Variants in EEIG1 observed in about 807,000 individuals in gnomAD.
The protein encoded by EEIG1 is early estrogen-induced gene 1 protein.
the EEIG1 span, among the ~76,000 whole-genome samples, chr9:127,974,833 A>C: frequency 6.6e-6 from 1 of 152,218 alleles, no homozygotes; most frequent in Non-Finnish European, 1.5e-5. Flanking sequence ...GGGAAAGTGG[A>C]ACAGGCACAC....
the EEIG1 span, among the ~76,000 whole-genome samples, chr9:127,964,418 G>C: frequency 1.3e-5 from 2 of 152,230 alleles, no homozygotes; most frequent in African/African-American, 4.8e-5. Context: ...TCACCAGGGT[G>C]ACGTGGGGCC....
the EEIG1 span, chr9:127,941,647 C>G: frequency 6.6e-6 from 1 of 152,210 alleles, no homozygotes; most frequent in Non-Finnish European, 1.5e-5. Flanking sequence ...CAACTCTCAC[C>G]AGCGGGGGCA....
the EEIG1 span, among the ~76,000 whole-genome samples, chr9:127,947,235 T>C: frequency 4.5e-4 from 60 of 133,578 alleles, no homozygotes; most frequent in African/African-American, 1.6e-3. Flanking sequence ...CTGGCTGATA[T>C]GGTGAAATCC....
the EEIG1 span, among the ~76,000 whole-genome samples, chr9:127,962,269 C>T: frequency 8.8e-4 from 134 of 152,328 alleles, no homozygotes; most frequent in South Asian, 2.1e-3. Flanking sequence ...ATGAAGGCCA[C>T]CTCTGGCCAC....
the EEIG1 span, among the ~76,000 whole-genome samples, chr9:127,952,264 G>A: frequency 7.2e-5 from 11 of 152,376 alleles, no homozygotes; most frequent in Middle Eastern, 3.4e-3. Context: ...CTGCCCAGCC[G>A]GCTGAGTTCC....
the EEIG1 span, among the ~76,000 whole-genome samples, chr9:127,959,091 T>C: frequency 6.6e-6 from 1 of 152,210 alleles, no homozygotes; most frequent in African/African-American, 2.4e-5. Flanking sequence ...GAAAACAGTA[T>C]GGCAATTCCC....
chr9:127,951,478 C>T, the EEIG1 span, among the ~76,000 whole-genome samples: 1 of 152,154 alleles, frequency 6.6e-6, no homozygotes, highest in Non-Finnish European at 1.5e-5. Context: ...CAGATCCTAG[C>T]CCCGCCATGG....
the EEIG1 span, among the ~76,000 whole-genome samples, chr9:127,945,975 C>G: frequency 1.3e-5 from 2 of 152,254 alleles, no homozygotes; most frequent in African/African-American, 4.8e-5. This position sits in a 1 kb window ranked among gnomAD's most constrained non-coding sequence, Gnocchi z 6.5. Context: ...GGGTGCCCAC[C>G]ACAGGTCAGC....
the EEIG1 span, among the ~76,000 whole-genome samples, chr9:127,951,431 G>C: frequency 6.6e-6 from 1 of 152,182 alleles, no homozygotes; most frequent in African/African-American, 2.4e-5. Context: ...CTACTGCAGT[G>C]TTCAGGGCAC....
At chr9:127,980,205 T>G in the EEIG1 span, 1 of 1,490,514 alleles carries the variant, frequency 6.7e-7, no homozygotes, top group Non-Finnish European at 9.2e-7. Flanking sequence ...TTCCTTTCCC[T>G]ACACCACACC....
the EEIG1 span, among the ~76,000 whole-genome samples, chr9:127,975,263 G>A: frequency 6.6e-6 from 1 of 152,192 alleles, no homozygotes; most frequent in Non-Finnish European, 1.5e-5. Flanking sequence ...TGTGCCTCCG[G>A]GGCCACCATC....
the EEIG1 span, chr9:127,950,308 C>T: frequency 9.6e-7 from 1 of 1,037,798 alleles, no homozygotes; most frequent in Non-Finnish European, 1.4e-6. Flanking sequence ...CCGATGTCTA[C>T]CTATTCAGGT....
the EEIG1 span, chr9:127,950,559 T>G: frequency 6.2e-7 from 1 of 1,612,168 alleles, no homozygotes; most frequent in African/African-American, 1.3e-5. Context: ...GAGAGGAGCG[T>G]GTGGGAGGGC....
the EEIG1 span, among the ~76,000 whole-genome samples, chr9:127,978,515 TTTTA>T: frequency 6.4e-4 from 96 of 150,860 alleles, no homozygotes; most frequent in African/African-American, 2.3e-3. Context: ...CCGCATACTA[TTTTA>T]TTTCATTTTT....
the EEIG1 span, chr9:127,945,398 G>A: frequency 7.6e-6 from 12 of 1,586,566 alleles, no homozygotes; most frequent in African/African-American, 8.0e-5. This position sits in a 1 kb window ranked among gnomAD's most constrained non-coding sequence, Gnocchi z 6.5. Flanking sequence ...TGCAGGGGCC[G>A]GGGTGGCCGC....
chr9:127,955,214 C>A, the EEIG1 span, among the ~76,000 whole-genome samples: 1 of 152,190 alleles, frequency 6.6e-6, no homozygotes, highest in Non-Finnish European at 1.5e-5. Flanking sequence ...GGCAGAGGGT[C>A]GGAGAGGGCC....
chr9:127,979,600 C>G, the EEIG1 span, among the ~76,000 whole-genome samples: 66 of 152,340 alleles, frequency 4.3e-4, 1 homozygote, highest in African/African-American at 1.6e-3. Context: ...TGCCGGGGAA[C>G]CCGTGGCTGG....
the EEIG1 span, among the ~76,000 whole-genome samples, chr9:127,978,276 G>A: frequency 6.6e-6 from 1 of 152,296 alleles, no homozygotes; most frequent in Non-Finnish European, 1.5e-5. Context: ...GATTCAGCCA[G>A]CAGGCCCCCA....
the EEIG1 span, among the ~76,000 whole-genome samples, chr9:127,948,758 C>T: frequency 5.9e-5 from 9 of 152,312 alleles, no homozygotes; most frequent in African/African-American, 2.2e-4. Flanking sequence ...ACACTCACCC[C>T]GGCCCTGTGT....
Sources: gnomAD v4.1 joint callset for allele counts (sites outside exome capture counted in the v4.1 genomes callset) on GRCh38, gnomAD v4.1.1 for gene constraint, Gnocchi (gnomAD v3.1) non-coding constraint, MANE v1.5 for transcripts, NCBI Gene and HGNC (gene_info 2026-07-23, HGNC 2026-07-21) for gene names.